The following NKAIN2 variants were observed in gnomAD, a reference collection of about 807,000 sequenced individuals.
NKAIN2 encodes sodium/potassium transporting ATPase interacting 2, also known as sodium/potassium-transporting ATPase subunit beta-1-interacting protein 2.
In NKAIN2, 14 loss-of-function variants were observed where a neutral mutation model predicts 32.6. The ratio of observed to expected loss-of-function variants is 0.43; its 90% CI spans 0.28 to 0.67. The LOEUF (loss-of-function observed/expected upper bound fraction) is 0.67, where lower values mean the gene tolerates loss of function less well. NKAIN2 is among the 30% of genes least tolerant of loss of function. The pLI is 0.17. For synonymous variants in NKAIN2, 80 were observed against 87.2 expected, an observed-to-expected ratio of 0.92 and a Z score of 0.46; for missense variants, 198 against 258.3, an observed-to-expected ratio of 0.77 and a Z score of 1.60.
chr6:124,390,747 C>G (rs1361699521), intron 3 of NKAIN2: 2 of 152,054 alleles, frequency 1.3e-5, no homozygotes, highest in African/African-American at 2.4e-5. Flanking sequence ...CATCTGTGAA[C>G]TGGTGGAAGG....
chr6:124,357,414 A>G (rs1473490220), intron 3 of NKAIN2, among the ~76,000 whole-genome samples: 1 of 152,130 alleles, frequency 6.6e-6, no homozygotes, highest in Non-Finnish European at 1.5e-5. Flanking sequence ...GAAGGAAGCA[A>G]TGGTAATTGG....
chr6:123,879,519 C>T (rs1323347097), intron 1 of NKAIN2, among the ~76,000 whole-genome samples: 2 of 152,174 alleles, frequency 1.3e-5, no homozygotes, highest in Non-Finnish European at 2.9e-5. Context: ...GTTATTGACA[C>T]AGCTCTGCTC....
At chr6:123,834,103 C>T (rs2114919746) in intron 1 of NKAIN2, among the ~76,000 whole-genome samples, 1 of 152,106 alleles carries the variant, frequency 6.6e-6, no homozygotes, top group South Asian at 2.1e-4. Flanking sequence ...GTATATTACC[C>T]TTGTATCCTG....
intron 1 of NKAIN2, among the ~76,000 whole-genome samples, chr6:123,916,883 A>G (rs933892174): frequency 6.6e-6 from 1 of 151,568 alleles, no homozygotes; most frequent in East Asian, 1.9e-4. Flanking sequence ...CTACCTACCT[A>G]CCTCTCTCTG....
chr6:124,361,415 A>G (rs1799281695), intron 3 of NKAIN2, among the ~76,000 whole-genome samples: 1 of 152,102 alleles, frequency 6.6e-6, no homozygotes, highest in South Asian at 2.1e-4. Context: ...CTATCTTTAG[A>G]AATAAAACAA....
chr6:124,079,593 A>G (rs1159589285), intron 1 of NKAIN2, among the ~76,000 whole-genome samples: 1 of 152,180 alleles, frequency 6.6e-6, no homozygotes, highest in Admixed American at 6.5e-5. Flanking sequence ...GATCAATTGA[A>G]GAAATTAACA....
intron 1 of NKAIN2, among the ~76,000 whole-genome samples, chr6:124,074,389 G>A (rs1783595978): frequency 6.6e-6 from 1 of 152,116 alleles, no homozygotes; most frequent in Non-Finnish European, 1.5e-5. Context: ...GGAATGGTGG[G>A]ACCTCTCCCA....
chr6:124,764,847 T>G (rs1188638263), intron 4 of NKAIN2, among the ~76,000 whole-genome samples: 1 of 152,100 alleles, frequency 6.6e-6, no homozygotes, highest in Non-Finnish European at 1.5e-5. Flanking sequence ...CAAGGAAAAT[T>G]TTATCAATTA....
chr6:123,960,135 C>A (rs575040117), intron 1 of NKAIN2, among the ~76,000 whole-genome samples: 28 of 152,200 alleles, frequency 1.8e-4, no homozygotes, highest in African/African-American at 6.7e-4. Flanking sequence ...TGTAAAAATT[C>A]TATATTGAAT....
intron 4 of NKAIN2, among the ~76,000 whole-genome samples, chr6:124,789,053 ATAGT>A (rs777256472): frequency 3.3e-5 from 5 of 152,042 alleles, no homozygotes; most frequent in Non-Finnish European, 5.9e-5. Context: ...AGCTCCCCAG[ATAGT>A]TAAAGAATGA....
At chr6:124,153,203 A>T (rs904554258) in intron 1 of NKAIN2, among the ~76,000 whole-genome samples, 1 of 151,854 alleles carries the variant, frequency 6.6e-6, no homozygotes, top group East Asian at 1.9e-4. Context: ...TATTCCGATT[A>T]CCCTGATTTT....
At chr6:124,236,121 G>A (rs1792745313) in intron 1 of NKAIN2, among the ~76,000 whole-genome samples, 1 of 152,024 alleles carries the variant, frequency 6.6e-6, no homozygotes, top group Admixed American at 6.6e-5. Context: ...TTAAATTTAA[G>A]TGACTATCTG....
chr6:124,284,491 A>AAAATTT (rs1795453390), intron 2 of NKAIN2, among the ~76,000 whole-genome samples: 2 of 152,134 alleles, frequency 1.3e-5, no homozygotes, highest in African/African-American at 2.4e-5. Flanking sequence ...TTATATGAAA[A>AAAATTT]AAATTTAACT....
chr6:124,493,830 C>T (rs1367304810), intron 3 of NKAIN2, among the ~76,000 whole-genome samples: 1 of 151,268 alleles, frequency 6.6e-6, no homozygotes, highest in African/African-American at 2.4e-5. Flanking sequence ...AAACCCACAA[C>T]TCATGACTGG....
At chr6:124,552,934 C>T (rs544195002) in intron 3 of NKAIN2, among the ~76,000 whole-genome samples, 10 of 152,278 alleles carry the variant, frequency 6.6e-5, no homozygotes, top group South Asian at 6.2e-4. Flanking sequence ...TACTCCAAAC[C>T]GCTCAAATAA....
At chr6:124,145,063 A>G (rs368838193) in intron 1 of NKAIN2, among the ~76,000 whole-genome samples, 65 of 152,356 alleles carry the variant, frequency 4.3e-4, no homozygotes, top group African/African-American at 1.6e-3. Context: ...AATACAAATT[A>G]ATACTATAAT....
intron 2 of NKAIN2, among the ~76,000 whole-genome samples, chr6:124,300,883 A>G (rs1796264439): frequency 6.6e-6 from 1 of 152,200 alleles, no homozygotes; most frequent in Non-Finnish European, 1.5e-5. Flanking sequence ...GAGCATAAAA[A>G]TTTGAAAAAT....
intron 3 of NKAIN2, among the ~76,000 whole-genome samples, chr6:124,375,624 A>C (rs1799958540): frequency 6.6e-6 from 1 of 151,906 alleles, no homozygotes; most frequent in African/African-American, 2.4e-5. Flanking sequence ...TACAATAAAG[A>C]ACAAAACAAA....
At chr6:123,827,108 T>A (rs146758459) in intron 1 of NKAIN2, among the ~76,000 whole-genome samples, 1 of 152,328 alleles carries the variant, frequency 6.6e-6, no homozygotes. Context: ...GTTGAATATC[T>A]TTTCATGTGG....
Sources: gnomAD v4.1 joint callset for allele counts (sites outside exome capture counted in the v4.1 genomes callset) on GRCh38, gnomAD v4.1.1 for gene constraint, MANE v1.5 for transcripts, NCBI Gene and HGNC (gene_info 2026-07-23, HGNC 2026-07-21) for gene names.